Variants in SGK1 observed in about 807,000 individuals in gnomAD.
The protein encoded by SGK1 is serine/threonine-protein kinase Sgk1.
In SGK1, 26 loss-of-function variants were observed where a neutral mutation model predicts 64.2. That is an observed-to-expected ratio of 0.40 (90% CI 0.30 to 0.56). SGK1 has a LOEUF of 0.56. Among genes scored for constraint, SGK1 ranks in the 20% least tolerant of loss-of-function variants. The probability of loss-of-function intolerance (pLI) is 0.38; values close to 1 mark genes in which losing one functional copy is unlikely to be tolerated. For missense variants in SGK1, 519 were observed against 645.6 expected (o/e 0.80, Z 2.12); for synonymous variants, 265 against 239.7 (o/e 1.11, Z -0.98).
intron 10 of SGK1, 56 bp from the exon 11 acceptor site, chr6:134,171,788 C>A: frequency 8.8e-7 from 1 of 1,130,294 alleles, no homozygotes; most frequent in Non-Finnish European, 1.3e-6. Context: ...AGCAATCCCA[C>A]GACCACACAT....
At chr6:134,175,529 G>C in intron 3 of SGK1, 1 of 1,471,298 alleles carries the variant, frequency 6.8e-7, no homozygotes, top group Non-Finnish European at 9.1e-7. Context: ...CAGCGGGGCC[G>C]GCGGCGGCGC....
chr6:134,237,775 C>T (rs1005506510), intron 2 of SGK1, among the ~76,000 whole-genome samples: 5 of 152,056 alleles, frequency 3.3e-5, no homozygotes, highest in East Asian at 1.9e-4. Flanking sequence ...TTGTTTTTTC[C>T]GTCCTATTGC....
At chr6:134,301,220 T>A (rs1777448347) in intron 1 of SGK1, among the ~76,000 whole-genome samples, 1 of 152,068 alleles carries the variant, frequency 6.6e-6, no homozygotes, top group African/African-American at 2.4e-5. Flanking sequence ...CAGATTACAT[T>A]TAAAGCACAG....
rs547716072 is a variant in SGK1, at chr6:134,282,252, T to C, written c.70-20104A>G. On this transcript the variant is annotated intron_variant, in intron 1 of 13. Transcript: ENST00000367858. ...AGTGCAGTGGCATGTGTTCTTCTGA[T>C]TGTAATAGGGGTATTGACAAACTAG... Among the ~76,000 whole-genome samples the C allele has an allele frequency of 2.6e-5, 4 of 152,246 alleles. No homozygotes were observed. The South Asian group carries it at 6.2e-4, about 24-fold the overall frequency.
At chr6:134,234,050 C>T (rs546114109) in intron 2 of SGK1, among the ~76,000 whole-genome samples, 1 of 152,252 alleles carries the variant, frequency 6.6e-6, no homozygotes, top group African/African-American at 2.4e-5. Context: ...GTATTCAAAA[C>T]AAGTCCAAAT....
intron 1 of SGK1, among the ~76,000 whole-genome samples, chr6:134,263,968 A>G (rs1178383007): frequency 6.6e-6 from 1 of 152,128 alleles, no homozygotes; most frequent in Non-Finnish European, 1.5e-5. Context: ...TTTTATAAGA[A>G]AGGTACTATT....
chr6:134,206,354 T>G (rs1369908993), intron 3 of SGK1, among the ~76,000 whole-genome samples: 5 of 9,718 alleles, frequency 5.1e-4, no homozygotes, highest in Admixed American at 4.8e-3. Flanking sequence ...TATATATATA[T>G]ATATATATAT....
At chr6:134,193,401 TA>T (rs1775545086) in intron 3 of SGK1, among the ~76,000 whole-genome samples, 1 of 152,152 alleles carries the variant, frequency 6.6e-6, no homozygotes, top group Non-Finnish European at 1.5e-5. Context: ...ACATAACTTC[TA>T]AATAAAGACC....
intron 1 of SGK1, among the ~76,000 whole-genome samples, chr6:134,295,261 A>AAG (rs769285749): frequency 3.3e-5 from 5 of 152,304 alleles, no homozygotes; most frequent in East Asian, 1.9e-4. Context: ...GAGAAAGAAG[A>AAG]AGAGACGAGG....
chr6:134,267,061 A>G (rs1039765631), intron 1 of SGK1, among the ~76,000 whole-genome samples: 16 of 152,148 alleles, frequency 1.1e-4, no homozygotes, highest in Admixed American at 9.8e-4. Flanking sequence ...ATTCAAATAT[A>G]TTTGTAAGTT....
intron 2 of SGK1, among the ~76,000 whole-genome samples, chr6:134,254,184 A>G (rs1180222485): frequency 6.6e-6 from 1 of 151,870 alleles, no homozygotes; most frequent in Non-Finnish European, 1.5e-5. Flanking sequence ...AGGCAAAAAG[A>G]AAAAAGAGCA....
intron 2 of SGK1, among the ~76,000 whole-genome samples, chr6:134,231,627 T>G (rs896855908): frequency 2.0e-5 from 3 of 152,234 alleles, no homozygotes; most frequent in African/African-American, 7.2e-5. Flanking sequence ...TTCATAAATC[T>G]ATATGCACAA....
chr6:134,294,837 T>C (rs905010336), intron 1 of SGK1, among the ~76,000 whole-genome samples: 1 of 152,222 alleles, frequency 6.6e-6, no homozygotes, highest in African/African-American at 2.4e-5. Flanking sequence ...CAGTGAATCT[T>C]TATTAATGTG....
chr6:134,170,846 G>C lies in SGK1; in HGVS notation c.1393C>G (p.Pro465Ala). The part of the protein sequence containing the change: ...WDDLINKKIT[P>A]PFNPNVSGPN... ...CTCACCACATTTGGGTTAAAAGGGG[G>C]AGTAATCTTCTTATTAATGAGATCA... Residue 465 changes from proline (P) to alanine (A), a missense_variant, in exon 13 of 14, where the codon CCC becomes GCC. Transcript: ENST00000367858. 2 of 1,607,132 alleles carry C rather than the reference G, an allele frequency of 1.2e-6. No homozygotes were observed. Among genetic ancestry groups the C allele is most frequent in the Non-Finnish European group, 1.7e-6 (2 of 1,173,702 alleles).
At chr6:134,207,159 G>C (rs1008559484) in intron 3 of SGK1, among the ~76,000 whole-genome samples, 197 bp downstream of exon 3, 20 of 152,238 alleles carry the variant, frequency 1.3e-4, no homozygotes, top group African/African-American at 4.8e-4. Context: ...CTGGGAGGCG[G>C]AGCTTGCAGT....
At chr6:134,249,496 C>A (rs1776574193) in intron 2 of SGK1, 1 of 152,248 alleles carries the variant, frequency 6.6e-6, no homozygotes, top group African/African-American at 2.4e-5. Flanking sequence ...GCTTAGATTT[C>A]TCTTCTGCTG....
At chr6:134,288,498 C>T (rs143185743) in intron 1 of SGK1, among the ~76,000 whole-genome samples, 1 of 152,088 alleles carries the variant, frequency 6.6e-6, no homozygotes, top group African/African-American at 2.4e-5. Context: ...TGAAATTAGG[C>T]TTTCTAATGG....
rs1346487470 is a variant in SGK1 at position 134,169,628 on chromosome 6, TGAATAC to T, written c.*634_*639del. 6.5e-6 allele frequency: 1 copy of T among 152,690 alleles called. No homozygotes were observed. The highest frequency in any genetic ancestry group is 1.5e-5 in the Non-Finnish European group (1 of 68,044). 9.5% of individuals were successfully genotyped at this position (152,690 alleles called of 1,614,324 possible). A position where few individuals can be genotyped will look rare whatever the true frequency, so the allele number is the denominator to read the frequency against. On this transcript the variant is annotated 3_prime_UTR_variant, in exon 14 of 14. Transcript: ENST00000367858. ...AGCAGCAATGCTTTCTTTAAGCATC[TGAATAC>T]GAGTCATTGCAAGACCATTTCAATA...
At chr6:134,299,933 T>G (rs12197956) in intron 1 of SGK1, among the ~76,000 whole-genome samples, 19,833 of 151,478 alleles carry the variant, frequency 0.13, 1,617 homozygotes, top group African/African-American at 0.23. Flanking sequence ...GCTTTTTTAA[T>G]TCAAAAAAAG....
Sources: gnomAD v4.1 joint callset for allele counts (sites outside exome capture counted in the v4.1 genomes callset) on GRCh38, gnomAD v4.1.1 for gene constraint, MANE v1.5 for transcripts, NCBI Gene and HGNC (gene_info 2026-07-23, HGNC 2026-07-21) for gene names.